KCND2: variants seen among roughly 807,000 people sequenced by gnomAD.
KCND2 encodes potassium voltage-gated channel subfamily D member 2, also known as A-type voltage-gated potassium channel KCND2.
KCND2 carries 16 observed loss-of-function variants against 54.4 expected under a neutral mutation model. The ratio of observed to expected loss-of-function variants is 0.29; its 90% CI spans 0.20 to 0.45. The LOEUF (loss-of-function observed/expected upper bound fraction) is 0.45. KCND2 is among the 20% of genes least tolerant of loss of function. The pLI, the probability that KCND2 is intolerant of heterozygous loss-of-function variation, is 1.00. For synonymous variants in KCND2, 317 were observed against 310.7 expected (o/e 1.02, Z -0.21); for missense variants, 486 against 824.2 (o/e 0.59, Z 5.02).
chr7:120,639,942 G>A (rs1793351009), intron 1 of KCND2, among the ~76,000 whole-genome samples: 2 of 151,916 alleles, frequency 1.3e-5, no homozygotes, highest in South Asian at 2.1e-4. Flanking sequence ...TGAAAAATAG[G>A]AGGAAAGGAA....
intron 1 of KCND2, among the ~76,000 whole-genome samples, chr7:120,584,880 T>A (rs546473658): frequency 4.6e-5 from 7 of 152,348 alleles, no homozygotes; most frequent in African/African-American, 1.7e-4. Flanking sequence ...TTAATTATCA[T>A]GATTGACATT....
intron 1 of KCND2, among the ~76,000 whole-genome samples, chr7:120,352,612 A>G (rs1800431475): frequency 6.6e-6 from 1 of 152,084 alleles, no homozygotes; most frequent in Non-Finnish European, 1.5e-5. Context: ...TCCTTAGAAG[A>G]AATGTGTTTT....
chr7:120,531,300 T>C (rs1190439085), intron 1 of KCND2, among the ~76,000 whole-genome samples: 1 of 152,120 alleles, frequency 6.6e-6, no homozygotes, highest in Non-Finnish European at 1.5e-5. Flanking sequence ...TTTATAATTC[T>C]TCCACCACCA....
chr7:120,531,446 A>G (rs1192678403), intron 1 of KCND2, among the ~76,000 whole-genome samples: 1 of 152,106 alleles, frequency 6.6e-6, no homozygotes, highest in Non-Finnish European at 1.5e-5. Context: ...TGTGCTTGCC[A>G]TTAATTCCAC....
intron 1 of KCND2, among the ~76,000 whole-genome samples, chr7:120,721,096 A>C (rs2116103284): frequency 6.6e-6 from 1 of 152,320 alleles, no homozygotes; most frequent in Non-Finnish European, 1.5e-5. Context: ...TGATGGAAAT[A>C]ATTTTTATGG....
chr7:120,380,733 T>C (rs578041892), intron 1 of KCND2, among the ~76,000 whole-genome samples: 1 of 152,106 alleles, frequency 6.6e-6, no homozygotes, highest in East Asian at 1.9e-4. Flanking sequence ...AGAAAAATCA[T>C]TGACCATATC....
At chr7:120,509,782 G>T (rs1019747988) in intron 1 of KCND2, among the ~76,000 whole-genome samples, 1 of 151,996 alleles carries the variant, frequency 6.6e-6, no homozygotes, top group Non-Finnish European at 1.5e-5. Context: ...TCATGTACTC[G>T]AAATGGATTT....
intron 1 of KCND2, among the ~76,000 whole-genome samples, chr7:120,344,104 A>G (rs562632572): frequency 4.6e-5 from 7 of 152,310 alleles, no homozygotes; most frequent in African/African-American, 1.7e-4. Flanking sequence ...CCTATTTCCT[A>G]TTGTCATAGT....
At position 120,310,221 on chromosome 7, in the gene KCND2, A is replaced by G. The variant is rs150955162; in HGVS notation, c.1115+34474A>G. Among the ~76,000 whole-genome samples the G allele has an allele frequency of 4.6e-4, 70 of 152,302 alleles. 1 individual carries two copies. The highest frequency in any genetic ancestry group is 1.6e-3 in the African/African-American group (67 of 41,566). Reference sequence around the variant, plus strand: ...TGAAATGCTTTAAAAATATGTAAATAAAGGATAAATGTTCTATTAAAAACT... The same window carrying G: ...TGAAATGCTTTAAAAATATGTAAATGAAGGATAAATGTTCTATTAAAAACT... On this transcript the variant is annotated intron_variant, in intron 1 of 5. Transcript: ENST00000331113.
intron 1 of KCND2, among the ~76,000 whole-genome samples, chr7:120,721,781 G>A (rs1318226656): frequency 6.6e-6 from 1 of 152,138 alleles, no homozygotes; most frequent in Non-Finnish European, 1.5e-5. Flanking sequence ...GAAACAAGGT[G>A]ATATGGTTTG....
At chr7:120,696,350 T>C (rs1259909725) in intron 1 of KCND2, among the ~76,000 whole-genome samples, 1 of 152,212 alleles carries the variant, frequency 6.6e-6, no homozygotes, top group Non-Finnish European at 1.5e-5. Context: ...ACTTTAGTCA[T>C]TCCCATGGCC....
intron 1 of KCND2, among the ~76,000 whole-genome samples, chr7:120,374,165 T>C (rs1800804172): frequency 6.6e-6 from 1 of 151,836 alleles, no homozygotes; most frequent in Non-Finnish European, 1.5e-5. Flanking sequence ...ATTTTTAACT[T>C]GGAATTACAT....
chr7:120,533,889 G>A (rs1217023200), intron 1 of KCND2, among the ~76,000 whole-genome samples: 1 of 152,086 alleles, frequency 6.6e-6, no homozygotes, highest in East Asian at 1.9e-4. Context: ...GTTTAAAGAA[G>A]GATTGATAGT....
intron 1 of KCND2, among the ~76,000 whole-genome samples, chr7:120,443,926 A>G (rs2116200982): frequency 6.6e-6 from 1 of 151,816 alleles, no homozygotes; most frequent in Middle Eastern, 3.4e-3. Context: ...AACTTCTGAA[A>G]CCCCAAGGTG....
intron 1 of KCND2, among the ~76,000 whole-genome samples, chr7:120,396,315 G>T (rs998415262): frequency 6.6e-6 from 1 of 151,914 alleles, no homozygotes; most frequent in Non-Finnish European, 1.5e-5. Flanking sequence ...TCACAGAATC[G>T]ACTGGCATGT....
At chr7:120,462,954 T>C (rs1310491993) in intron 1 of KCND2, among the ~76,000 whole-genome samples, 1 of 152,114 alleles carries the variant, frequency 6.6e-6, no homozygotes, top group Non-Finnish European at 1.5e-5. Flanking sequence ...TATACCTGTT[T>C]ATCCAAACTT....
At chr7:120,573,446 C>T (rs117245943) in intron 1 of KCND2, among the ~76,000 whole-genome samples, 2 of 152,294 alleles carry the variant, frequency 1.3e-5, no homozygotes, top group Non-Finnish European at 2.9e-5. Context: ...TTCTATAGCA[C>T]TGCAGACTGA....
chr7:120,364,839 C>T (rs1800644044), intron 1 of KCND2, among the ~76,000 whole-genome samples: 1 of 152,148 alleles, frequency 6.6e-6, no homozygotes, highest in Admixed American at 6.6e-5. Flanking sequence ...TCAGACTTAG[C>T]AGGGTTATTT....
At chr7:120,589,911 T>G (rs1200060972) in intron 1 of KCND2, among the ~76,000 whole-genome samples, 2 of 152,220 alleles carry the variant, frequency 1.3e-5, no homozygotes, top group Non-Finnish European at 2.9e-5. Context: ...ATTATTATTA[T>G]TGCCACTTTA....
Sources: gnomAD v4.1 joint callset for allele counts (sites outside exome capture counted in the v4.1 genomes callset) on GRCh38, gnomAD v4.1.1 for gene constraint, MANE v1.5 for transcripts, NCBI Gene and HGNC (gene_info 2026-07-23, HGNC 2026-07-21) for gene names.